The following TLL1 variants were observed in gnomAD, a reference collection of about 807,000 sequenced individuals.
TLL1 encodes the protein tolloid-like protein 1.
TLL1 carries 49 observed loss-of-function variants against 128.2 expected under a neutral mutation model. The observed-to-expected ratio is 0.38, with a 90% CI of 0.30 to 0.48. The LOEUF (loss-of-function observed/expected upper bound fraction) is 0.48, where lower values mean the gene tolerates loss of function less well. TLL1 is among the 20% of genes least tolerant of loss of function. The pLI, the probability that TLL1 is intolerant of heterozygous loss-of-function variation, is 0.96. For synonymous variants in TLL1, 454 were observed against 418.8 expected (o/e 1.08, Z -1.03); for missense variants, 1,123 against 1,242.0 (o/e 0.90, Z 1.44).
chr4:165,906,915 T>TAAC (rs1462070679), intron 1 of TLL1, among the ~76,000 whole-genome samples: 1 of 151,116 alleles, frequency 6.6e-6, no homozygotes, highest in African/African-American at 2.4e-5. Context: ...TTTAGTTTCA[T>TAAC]AACTCTGATT....
At chr4:166,034,494 C>A (rs1178054070) in intron 9 of TLL1, among the ~76,000 whole-genome samples, 1 of 152,052 alleles carries the variant, frequency 6.6e-6, no homozygotes, top group Non-Finnish European at 1.5e-5. Context: ...TCATTGATTC[C>A]AAAACCTTGA....
intron 1 of TLL1, among the ~76,000 whole-genome samples, chr4:165,922,680 TTTCTC>T (rs1303057769): frequency 6.6e-6 from 1 of 152,206 alleles, no homozygotes; most frequent in Non-Finnish European, 1.5e-5. Context: ...ATTCTCAAAT[TTTCTC>T]TACTGTGAAA....
At chr4:165,954,880 G>A (rs1734706191) in intron 1 of TLL1, among the ~76,000 whole-genome samples, 1 of 152,058 alleles carries the variant, frequency 6.6e-6, no homozygotes, top group Non-Finnish European at 1.5e-5. Context: ...CAAGAATTCT[G>A]GCAATGGCAA....
chr4:165,922,232 ATAAACT>A (rs1487271324), intron 1 of TLL1, among the ~76,000 whole-genome samples: 1 of 152,234 alleles, frequency 6.6e-6, no homozygotes, highest in Non-Finnish European at 1.5e-5. Flanking sequence ...TTTAAACAAC[ATAAACT>A]TAAGAGGAGT....
intron 9 of TLL1, among the ~76,000 whole-genome samples, chr4:166,029,912 C>A (rs372411170): frequency 5.3e-5 from 8 of 152,024 alleles, no homozygotes; most frequent in African/African-American, 1.7e-4. Context: ...TAGGTTGCTT[C>A]TACCTCTTGG....
At chr4:165,991,714 T>TA (rs1183369402) in intron 2 of TLL1, among the ~76,000 whole-genome samples, 11 of 151,922 alleles carry the variant, frequency 7.2e-5, no homozygotes, top group Non-Finnish European at 8.8e-5. Context: ...CAATTTTAAA[T>TA]AAAAAAATAG....
Position 166,088,866 on chromosome 4 carries a change from C to T in TLL1, c.2443-2262C>T, listed in dbSNP as rs147002009. 5.3e-3 allele frequency among the ~76,000 whole-genome samples: 807 copies of T among 152,188 alleles called. 4 individuals are homozygous for T. Among genetic ancestry groups the T allele is most frequent in the Non-Finnish European group, 6.2e-3 (422 of 68,012 alleles). On this transcript the variant is annotated intron_variant, in intron 18 of 20. Transcript: ENST00000061240. ...AGCAGATGTTATGATTTAGGCCAGA[C>T]GTCCTGCGTTTCATTAGGAAGAAAA...
chr4:165,899,820 G>A (rs1177084232), intron 1 of TLL1, among the ~76,000 whole-genome samples: 1 of 152,132 alleles, frequency 6.6e-6, no homozygotes, highest in Admixed American at 6.5e-5. Flanking sequence ...TTGACAGTGG[G>A]TGTTAAAGTC....
chr4:165,933,831 T>TGCAACCTTCACC (rs1733645858), intron 1 of TLL1, among the ~76,000 whole-genome samples: 1 of 152,136 alleles, frequency 6.6e-6, no homozygotes, highest in Non-Finnish European at 1.5e-5. Flanking sequence ...TCCCCTCCAC[T>TGCAACCTTCACC]GCAACCTTCA....
chr4:166,043,830 A>G (rs781690912), intron 12 of TLL1, among the ~76,000 whole-genome samples: 10 of 149,860 alleles, frequency 6.7e-5, no homozygotes, highest in Admixed American at 1.3e-4. Flanking sequence ...TTTTTTTACC[A>G]TAACACAGAT....
chr4:166,046,597 C>T (rs990398517), intron 12 of TLL1, among the ~76,000 whole-genome samples: 7 of 152,182 alleles, frequency 4.6e-5, no homozygotes, highest in African/African-American at 1.4e-4. Context: ...GACATGTACA[C>T]AGCAGCAAAT....
In TLL1 at chr4:165,995,048, A is replaced by G. The variant is rs1449540509; in HGVS notation, c.515-13A>G. ...GATGCCACCTTTTCATTAACATCACACATTTTTTCTAGGCAGCCAGAGAGC... is the reference window on the plus strand; with the variant it reads ...GATGCCACCTTTTCATTAACATCACGCATTTTTTCTAGGCAGCCAGAGAGC... On this transcript the variant is annotated splice_polypyrimidine_tract_variant and intron_variant, in intron 4 of 20. Transcript: ENST00000061240. 1.9e-6 allele frequency: 3 copies of G among 1,610,060 alleles called. No homozygotes were observed. Among genetic ancestry groups the G allele is most frequent in the Non-Finnish European group, 2.6e-6 (3 of 1,176,468 alleles).
chr4:166,100,773 C>G lies in TLL1; in HGVS notation c.2939C>G (p.Ser980Ter). The G allele has an allele frequency of 6.2e-7, 1 of 1,613,046 alleles. No individual in the cohort carries two copies. Among genetic ancestry groups the G allele is most frequent in the Non-Finnish European group, 8.5e-7 (1 of 1,179,330 alleles). ...PPEEIYSIGDSVLIHFHTDDT... is the reference protein window; with the variant it reads ...PPEEIYSIGD ...GAAGAGATTTATTCAATTGGAGATT[C>G]AGTTTTAATTCATTTCCACACTGAT... Residue 980 changes from serine (S) to a stop codon, truncating the protein, a stop_gained, in exon 21 of 21, where the codon TCA becomes TGA. Transcript: ENST00000061240. LOFTEE classifies it high-confidence loss of function.
At chr4:165,968,172 T>C (rs1221853802) in intron 1 of TLL1, among the ~76,000 whole-genome samples, 4 of 152,206 alleles carry the variant, frequency 2.6e-5, no homozygotes, top group Admixed American at 6.5e-5. Context: ...CTCCAAATTT[T>C]GTTCCCTGAA....
At chr4:165,959,181 A>C (rs1342183016) in intron 1 of TLL1, among the ~76,000 whole-genome samples, 6 of 151,878 alleles carry the variant, frequency 4.0e-5, no homozygotes, top group Non-Finnish European at 7.4e-5. Context: ...CTTAGGATTG[A>C]CTTGGCGATG....
rs776301640 is a variant in TLL1, at chr4:166,025,342, A to G, written c.1069A>G (p.Asn357Asp). The change falls in exon 9 of 21, where the codon AAT (asparagine) becomes GAT (aspartate). Residue 357 changes from asparagine to aspartate, a missense_variant. Coordinates refer to ENST00000061240, the MANE Select transcript of TLL1 (RefSeq NM_012464.5). ...PACGETLQES[N>D]GNLSSPGFPN... ...ATGTGGAGAAACTCTACAAGAATCC[A>G]ATGGCAACCTTTCCTCTCCAGGATT... 11 of 1,613,694 alleles carry G rather than the reference A, an allele frequency of 6.8e-6. No homozygotes were observed. The highest frequency in any genetic ancestry group is 5.0e-5 in the Admixed American group (3 of 59,988).
chr4:165,946,549 A>T (rs1307115402), intron 1 of TLL1, among the ~76,000 whole-genome samples: 2 of 140,346 alleles, frequency 1.4e-5, no homozygotes, highest in Non-Finnish European at 3.1e-5. Flanking sequence ...CATATTGCCC[A>T]AGCTGGTCTG....
intron 8 of TLL1, among the ~76,000 whole-genome samples, chr4:166,021,400 A>G (rs1738224437): frequency 1.3e-5 from 2 of 149,090 alleles, no homozygotes; most frequent in Non-Finnish European, 1.5e-5. Context: ...CTGATACTCA[A>G]TGAGTTCCTG....
intron 1 of TLL1, among the ~76,000 whole-genome samples, chr4:165,982,957 A>G (rs1736219403): frequency 6.6e-6 from 1 of 151,876 alleles, no homozygotes. Context: ...ATGACGTGGG[A>G]AATATAAATA....
Sources: gnomAD v4.1 joint callset for allele counts (sites outside exome capture counted in the v4.1 genomes callset) on GRCh38, gnomAD v4.1.1 for gene constraint, MANE v1.5 for transcripts, NCBI Gene and HGNC (gene_info 2026-07-23, HGNC 2026-07-21) for gene names.